Variants in TF observed in about 807,000 individuals in gnomAD.
TF encodes the protein serotransferrin.
In TF, 55 loss-of-function variants were observed where a neutral mutation model predicts 82.4. The ratio of observed to expected loss-of-function variants is 0.67; its 90% CI spans 0.54 to 0.84. The LOEUF is 0.84. TF is among the 40% of genes least tolerant of loss of function. The pLI, the probability that TF is intolerant of heterozygous loss-of-function variation, is 0.00. For synonymous variants in TF, 332 were observed against 332.6 expected, an observed-to-expected ratio of 1.00 and a Z score of 0.02; for missense variants, 737 against 868.4, an observed-to-expected ratio of 0.85 and a Z score of 1.90.
At chr3:133,707,844 T>C in the TF span, among the ~76,000 whole-genome samples, 1 of 152,206 alleles carries the variant, frequency 6.6e-6, no homozygotes, top group African/African-American at 2.4e-5. Flanking sequence ...GATATTCTCA[T>C]TAGAATCAGG....
Position 133,778,598 on chromosome 3 carries a change from C to A in TF, c.2075C>A (p.Ala692Asp), listed in dbSNP as rs1032981099. The A allele has an allele frequency of 1.2e-6, 2 of 1,613,164 alleles. No homozygotes were observed. The highest frequency in any genetic ancestry group is 1.7e-6 in the Non-Finnish European group (2 of 1,179,488). ...CTCTGCTCCACAGCACTCCTGGAAG[C>A]CTGCACTTTCCGTAGACCTTAAAAT... ...RKCSTSSLLE[A>D]CTFRRP The change falls in exon 17 of 17, where the codon GCC becomes GAC. Residue 692 changes from alanine (A) to aspartate (D), a missense_variant. Physicochemically the swap from Ala to Asp is moderately radical, Grantham distance 126 (BLOSUM62 -2). Transcript: ENST00000402696.
At chr3:133,753,988 C>A (rs1005651391) in intron 3 of TF, 2 of 539,978 alleles carry the variant, frequency 3.7e-6, no homozygotes, top group Non-Finnish European at 3.3e-6. Flanking sequence ...AAGGCTACTG[C>A]GGTCTACTGA....
chr3:133,765,754 A>T (rs1488978723), intron 11 of TF, among the ~76,000 whole-genome samples: 1 of 152,220 alleles, frequency 6.6e-6, no homozygotes, highest in Admixed American at 6.5e-5. Context: ...CATTTTAAGG[A>T]CCAGTATATA....
At chr3:133,733,799 G>C in the TF span, among the ~76,000 whole-genome samples, 13 of 152,090 alleles carry the variant, frequency 8.5e-5, no homozygotes, top group Non-Finnish European at 1.9e-4. Flanking sequence ...TAAAAGGCTG[G>C]CTGCTCCCTT....
At chr3:133,750,317 T>C (rs922168802) in intron 2 of TF, among the ~76,000 whole-genome samples, 2 of 152,150 alleles carry the variant, frequency 1.3e-5, no homozygotes, top group African/African-American at 4.8e-5. Context: ...GGTCTCTTAG[T>C]GCAGAGGTTT....
rs750641946 is a variant in TF at position 133,770,510 on chromosome 3, G to A, written c.1625G>A (p.Cys542Tyr). The A allele has an allele frequency of 1.2e-6, 2 of 1,614,076 alleles. No individual in the cohort carries two copies. The highest frequency in any genetic ancestry group is 2.2e-5 in the East Asian group (1 of 44,880). ...GYYGYTGAFR[C>Y]LVEKGDVAFV... is the part of the protein sequence containing the mutation. ...CTCCCACTTCTGGACCTCTGCAGGT[G>A]TCTGGTTGAGAAGGGAGATGTGGCC... is the stretch of plus-strand genomic sequence containing the variant. Residue 542 changes from cysteine (C) to tyrosine (Y), a missense_variant and splice_region_variant, in exon 14 of 17, where the codon TGT becomes TAT. By Grantham distance (194) the Cys-to-Tyr change is radical. Transcript: ENST00000402696.
the TF span, among the ~76,000 whole-genome samples, chr3:133,732,818 C>T: frequency 4.0e-4 from 51 of 127,522 alleles, no homozygotes; most frequent in South Asian, 0.011. Flanking sequence ...CCACCAATTC[C>T]GGACACATTA....
At chr3:133,697,386 G>A in the TF span, among the ~76,000 whole-genome samples, 1 of 152,192 alleles carries the variant, frequency 6.6e-6, no homozygotes, top group East Asian at 1.9e-4. Flanking sequence ...GTCTCATCAA[G>A]TTGTTTCAAA....
the TF span, among the ~76,000 whole-genome samples, chr3:133,698,222 A>T: frequency 1.3e-5 from 2 of 152,168 alleles, no homozygotes; most frequent in African/African-American, 4.8e-5. Flanking sequence ...ATCAATCTGC[A>T]CTTTCATTGC....
rs1423965361 is a variant in TF, at chr3:133,785,336, C to T, written c.*6716C>T. ...CCCCCGCCCGACCAGCCGCCCCATC[C>T]GGGAGGGAGGTGGGGGGGTCAGCCC... On this transcript the variant is annotated 3_prime_UTR_variant, in exon 17 of 17. Transcript: ENST00000402696. 2.3e-4 allele frequency: 25 copies of T among 109,214 alleles called. No individual in the cohort carries two copies. Among genetic ancestry groups the T allele is most frequent in the African/African-American group, 8.7e-4 (23 of 26,554 alleles). The allele number at this position is 109,214 out of a possible 1,614,324, so 6.8% of individuals were successfully genotyped here. A position where few individuals can be genotyped will look rare whatever the true frequency, so the allele number is the denominator to read the frequency against.
the TF span, among the ~76,000 whole-genome samples, chr3:133,714,759 T>A: frequency 6.6e-6 from 1 of 152,016 alleles, no homozygotes; most frequent in African/African-American, 2.4e-5. Flanking sequence ...CTCGGCTCAA[T>A]GAAACCTCCG....
the TF span, among the ~76,000 whole-genome samples, chr3:133,696,185 G>A: frequency 1.3e-5 from 2 of 152,088 alleles, no homozygotes; most frequent in South Asian, 4.1e-4. Flanking sequence ...AGCACTTTGG[G>A]AGGGTGAGGC....
chr3:133,720,357 A>G, the TF span, among the ~76,000 whole-genome samples: 121 of 152,174 alleles, frequency 8.0e-4, no homozygotes, highest in African/African-American at 2.8e-3. Context: ...AAATAATCAT[A>G]TGGTTTTTGT....
the TF span, among the ~76,000 whole-genome samples, chr3:133,740,048 G>T: frequency 1.1e-4 from 16 of 152,132 alleles, no homozygotes; most frequent in Non-Finnish European, 1.8e-4. Context: ...GTTTATTGTG[G>T]CACTATTCAC....
the TF span, among the ~76,000 whole-genome samples, chr3:133,736,631 C>CAAAAAAGAAAAAAAAAAAAAAAAAAA: frequency 3.1e-4 from 10 of 32,548 alleles, no homozygotes; most frequent in South Asian, 2.4e-3. Context: ...AATGGAAAGC[C>CAAAAAAGAAAAAAAAAAAAAAAAAAA]AAAAAAAAAA....
rs1012640340 is a variant in TF, at chr3:133,753,653, C to G, written c.275C>G (p.Ala92Gly). Reference sequence around the variant, plus strand: ...GGTTTGGTGTATGATGCTTACCTGGCTCCCAATAACCTGAAGCCTGTGGTG... The same window carrying G: ...GGTTTGGTGTATGATGCTTACCTGGGTCCCAATAACCTGAAGCCTGTGGTG... The part of the protein sequence containing the change: ...DAGLVYDAYL[A>G]PNNLKPVVAE... Residue 92 changes from alanine to glycine, a missense_variant, in exon 3 of 17, where the codon GCT becomes GGT. Transcript: ENST00000402696. 1 of 1,614,082 alleles carries G rather than the reference C, an allele frequency of 6.2e-7. No individual in the cohort carries two copies. Among genetic ancestry groups the G allele is most frequent in the Non-Finnish European group, 8.5e-7 (1 of 1,180,038 alleles).
intron 14 of TF, 87 bp from the exon 15 acceptor site, chr3:133,775,346 C>T: frequency 7.0e-7 from 1 of 1,419,846 alleles, no homozygotes; most frequent in Non-Finnish European, 1.0e-6. Context: ...GGCCCAGGTT[C>T]TCTACACACC....
the TF span, among the ~76,000 whole-genome samples, chr3:133,679,517 T>C: frequency 6.6e-6 from 1 of 152,034 alleles, no homozygotes; most frequent in South Asian, 2.1e-4. Flanking sequence ...AGTTTCGTCT[T>C]TTCTAGGATT....
chr3:133,681,486 C>T, the TF span, among the ~76,000 whole-genome samples: 85 of 152,344 alleles, frequency 5.6e-4, no homozygotes, highest in Middle Eastern at 3.4e-3. Context: ...CCTGGAAAAT[C>T]GGGTCACTCC....
Sources: allele counts gnomAD v4.1 joint callset (sites outside exome capture counted in the v4.1 genomes callset), GRCh38; gene constraint gnomAD v4.1.1; transcripts MANE v1.5; gene names NCBI Gene and HGNC (gene_info 2026-07-23, HGNC 2026-07-21).